ZNF624: variants seen among roughly 807,000 people sequenced by gnomAD.
ZNF624 encodes zinc finger protein 624.
Under a neutral mutation model 74.7 loss-of-function variants are expected in ZNF624, and 43 were observed. The observed-to-expected ratio is 0.58, with a 90% CI of 0.45 to 0.74. ZNF624 has a LOEUF of 0.74. Ranked by LOEUF, ZNF624 falls within the 30% of genes least tolerant of loss-of-function variation. The probability of loss-of-function intolerance (pLI) is 0.00; values close to 1 mark genes in which losing one functional copy is unlikely to be tolerated. For missense variants in ZNF624, 820 were observed against 1,030.0 expected, an observed-to-expected ratio of 0.80 and a Z score of 2.79; for synonymous variants, 331 against 341.3, an observed-to-expected ratio of 0.97 and a Z score of 0.33.
rs1908951571 is a variant in ZNF624 at position 16,622,675 on chromosome 17, T to C, written c.2211A>G (p.Val737=). Residue 737 remains valine (V), a synonymous_variant, in exon 6 of 6, where the codon GTA becomes GTG. Coordinates refer to ENST00000311331, the MANE Select transcript of ZNF624 (RefSeq NM_020787.4). ...NDCGKAFSQM[V]HVTEHQKIHS... Reference sequence around the variant, plus strand: ...GGATTTTCTGATGTTCTGTGACATGTACCATCTGGCTAAATGCTTTCCCAC... The same window carrying C: ...GGATTTTCTGATGTTCTGTGACATGCACCATCTGGCTAAATGCTTTCCCAC... 1.9e-6 allele frequency: 3 copies of C among 1,613,936 alleles called. No homozygotes were observed. The highest frequency in any genetic ancestry group is 2.7e-5 in the African/African-American group (2 of 74,922).
intron 3 of ZNF624, among the ~76,000 whole-genome samples, chr17:16,643,920 G>A (rs1368800583): frequency 1.3e-5 from 2 of 152,144 alleles, no homozygotes; most frequent in Non-Finnish European, 2.9e-5. Flanking sequence ...TGGAGATGGG[G>A]CCTAATGGGA....
At chr17:16,647,286 G>T in intron 3 of ZNF624, 43 bp downstream of exon 3, 1 of 1,489,914 alleles carries the variant, frequency 6.7e-7, no homozygotes, top group Non-Finnish European at 9.4e-7. Context: ...AGTAAAATAG[G>T]CATTTTCTCT....
Position 16,623,683 on chromosome 17 carries a change from T to A in ZNF624, c.1203A>T (p.Ser401=). The A allele has an allele frequency of 6.2e-7, 1 of 1,609,390 alleles. No homozygotes were observed. The highest frequency in any genetic ancestry group is 1.1e-5 in the South Asian group (1 of 89,958). The change falls in exon 6 of 6, where the codon TCA becomes TCT. Residue 401 remains serine, a synonymous_variant. Transcript: ENST00000311331. This position sits in a 1 kb window ranked among gnomAD's most constrained non-coding sequence, Gnocchi z 5.3. ...SECGKAFSDK[S]KLARHQETHN... The stretch of plus-strand genomic sequence containing the variant: ...GAGTTTCCTGATGTCTTGCAAGTTT[T>A]GATTTATCACTAAAAGCTTTCCCGC...
downstream of ZNF624, among the ~76,000 whole-genome samples, chr17:16,615,838 T>A (rs1449936735): frequency 2.0e-5 from 3 of 151,634 alleles, no homozygotes; most frequent in Non-Finnish European, 4.4e-5. Context: ...TAAAACTGAC[T>A]TTACCACAGA....
At chr17:16,619,630 T>A (rs1285613372), downstream of ZNF624, among the ~76,000 whole-genome samples, 2 of 152,238 alleles carry the variant, frequency 1.3e-5, no homozygotes, top group African/African-American at 2.4e-5. Context: ...AAACCCATAA[T>A]GGAATAGCGG....
In ZNF624 at chr17:16,624,167, T is replaced by G; in HGVS notation, c.719A>C (p.Asp240Ala). The G allele has an allele frequency of 1.2e-6, 2 of 1,614,188 alleles. No individual in the cohort carries two copies. The highest frequency in any genetic ancestry group is 1.7e-6 in the Non-Finnish European group (2 of 1,180,034). Residue 240 changes from aspartate (D) to alanine (A), a missense_variant, in exon 6 of 6, where the codon GAT (aspartate) becomes GCT (alanine). By Grantham distance (126) the Asp-to-Ala change is moderately radical (BLOSUM62 -2). Transcript: ENST00000311331. ...GCAAATTATCTTCCCCAAATGGGTATCTGTAATCAAATTTAAATTCTCTGT... is the reference window on the plus strand; with the variant it reads ...GCAAATTATCTTCCCCAAATGGGTAGCTGTAATCAAATTTAAATTCTCTGT... ...NFTENLNLIT[D>A]THLGKIICKE...
chr17:16,650,503 A>G lies in ZNF624; in HGVS notation c.-2-757T>C, dbSNP rs568758691. 5.3e-5 allele frequency among the ~76,000 whole-genome samples: 8 copies of G among 152,186 alleles called. No individual in the cohort carries two copies. The South Asian group carries it at 1.7e-3, about 32-fold the overall frequency. The stretch of plus-strand genomic sequence containing the variant: ...AGTCTTTTTATATTGAAAAAAAAGT[A>G]TATACCTAATAAAAGTTTTATCCTA... On this transcript the variant is annotated intron_variant, in intron 1 of 5. Coordinates refer to ENST00000311331, the MANE Select transcript of ZNF624 (RefSeq NM_020787.4).
intron 3 of ZNF624, among the ~76,000 whole-genome samples, chr17:16,640,497 T>C (rs915637558): frequency 2.6e-5 from 4 of 151,236 alleles, no homozygotes; most frequent in Non-Finnish European, 5.9e-5. Context: ...GATAAAAAAA[T>C]GGCAAACCCT....
In ZNF624 at chr17:16,634,735, C is replaced by T. The variant is rs748016810; in HGVS notation, c.175G>A (p.Val59Met). ...LVKESVTFKD[V>M]AIDFTLEEWR... ...TCCTCCAATGTGAAGTCTATAGCCA[C>T]ATCCTTAAATGTCACCGATTCCTAA... is the stretch of plus-strand genomic sequence containing the variant. Residue 59 changes from valine (V) to methionine (M), a missense_variant, in exon 4 of 6, where the codon GTG becomes ATG. By Grantham distance (21) the Val-to-Met change is conservative. Transcript: ENST00000311331. 1.9e-6 allele frequency: 3 copies of T among 1,613,180 alleles called. No homozygotes were observed. The highest frequency in any genetic ancestry group is 1.7e-5 in the Admixed American group (1 of 59,894).
intron 5 of ZNF624, among the ~76,000 whole-genome samples, chr17:16,632,614 A>G (rs1182009368): frequency 6.6e-6 from 1 of 152,244 alleles, no homozygotes; most frequent in Non-Finnish European, 1.5e-5. Context: ...GCATCATAAT[A>G]AAATGAATGC....
chr17:16,621,858 A>G lies in ZNF624; in HGVS notation c.*430T>C, dbSNP rs1908921325. ...AAGGAAATGATACAAATATTTTCCT[A>G]TAAAAATGTTGTGCATTACTATAAA... On this transcript the variant is annotated 3_prime_UTR_variant, in exon 6 of 6. Transcript: ENST00000311331. 6.6e-6 allele frequency: 1 copy of G among 152,452 alleles called. No homozygotes were observed. Among genetic ancestry groups the G allele is most frequent in the African/African-American group, 2.4e-5 (1 of 41,456 alleles). The allele number at this position is 152,452 out of a possible 1,614,324, so 9.4% of individuals were successfully genotyped here.
At chr17:16,652,546 A>T (rs1909751255) in intron 1 of ZNF624, among the ~76,000 whole-genome samples, 1 of 151,596 alleles carries the variant, frequency 6.6e-6, no homozygotes, top group South Asian at 2.1e-4. Flanking sequence ...TTTAACAACC[A>T]AACTACAATA....
intron 1 of ZNF624, among the ~76,000 whole-genome samples, chr17:16,652,365 A>G (rs77419544): frequency 0.022 from 3,422 of 152,304 alleles, 126 homozygotes; most frequent in African/African-American, 0.078. Context: ...GCAGACCTAC[A>G]AAGAGCAACA....
chr17:16,642,691 T>C lies in ZNF624; in HGVS notation c.153+4638A>G, dbSNP rs150932520. Among the ~76,000 whole-genome samples, 11 of 152,258 alleles carry C rather than the reference T, an allele frequency of 7.2e-5. 1 individual carries two copies. The East Asian group carries it at 1.5e-3, about 21-fold the overall frequency. On this transcript the variant is annotated intron_variant, in intron 3 of 5. Coordinates refer to ENST00000311331, the MANE Select transcript of ZNF624 (RefSeq NM_020787.4). ...TTAGGACTTCATTAAAATTAAAAAC[T>C]TCTGTGCTTCAAAGGACATCATCAA...
chr17:16,622,195 A>G lies in ZNF624; in HGVS notation c.*93T>C. 1 of 971,162 alleles carries G rather than the reference A, an allele frequency of 1.0e-6. No homozygotes were observed. The highest frequency in any genetic ancestry group is 2.7e-5 in the East Asian group (1 of 37,572). The allele number at this position is 971,162 out of a possible 1,614,324, so 60.2% of individuals were successfully genotyped here. On this transcript the variant is annotated 3_prime_UTR_variant, in exon 6 of 6. Transcript: ENST00000311331. ...ATAGTTTCTCTGTATACTTTCTGATAAATTCCTAATGAAGATTTTCCTATA... is the reference window on the plus strand; with the variant it reads ...ATAGTTTCTCTGTATACTTTCTGATGAATTCCTAATGAAGATTTTCCTATA...
chr17:16,622,790 T>C lies in ZNF624; in HGVS notation c.2096A>G (p.Asn699Ser), dbSNP rs903682558. 3 of 1,613,846 alleles carry C rather than the reference T, an allele frequency of 1.9e-6. No individual in the cohort carries two copies. Among genetic ancestry groups the C allele is most frequent in the Non-Finnish European group, 2.5e-6 (3 of 1,179,984 alleles). The change falls in exon 6 of 6, where the codon AAT (asparagine) becomes AGT (serine). Residue 699 changes from asparagine to serine, a missense_variant. Coordinates refer to ENST00000311331, the MANE Select transcript of ZNF624 (RefSeq NM_020787.4). ...RHTGEKPYKC[N>S]ECGKVFTSNS... ...ACTTGTGAAAACCTTTCCACATTCA[T>C]TGCATTTATAGGGCTTCTCTCCAGT...
intron 5 of ZNF624, 86 bp from the exon 6 acceptor site, chr17:16,624,595 A>C: frequency 8.7e-7 from 1 of 1,154,428 alleles, no homozygotes; most frequent in Non-Finnish European, 1.2e-6. Context: ...CAATAAATAC[A>C]TGGATAATGA....
At chr17:16,625,371 G>A (rs1015640330) in intron 5 of ZNF624, among the ~76,000 whole-genome samples, 11 of 152,040 alleles carry the variant, frequency 7.2e-5, no homozygotes, top group Non-Finnish European at 1.3e-4. Context: ...TAGTAGAGAC[G>A]GGGTTTCGCC....
At chr17:16,645,436 T>C (rs7208305) in intron 3 of ZNF624, among the ~76,000 whole-genome samples, 7,991 of 152,226 alleles carry the variant, frequency 0.052, 457 homozygotes, top group South Asian at 0.13. Flanking sequence ...ACATATATAC[T>C]GGCACTATGA....
Sources: gnomAD v4.1 joint callset for allele counts (sites outside exome capture counted in the v4.1 genomes callset) on GRCh38, gnomAD v4.1.1 for gene constraint, Gnocchi (gnomAD v3.1) non-coding constraint, MANE v1.5 for transcripts, NCBI Gene and HGNC (gene_info 2026-07-23, HGNC 2026-07-21) for gene names.